Variants in FNIP1 observed in about 807,000 individuals in gnomAD.
The protein encoded by FNIP1 is folliculin interacting protein 1.
Under a neutral mutation model 124.5 loss-of-function variants are expected in FNIP1, and 40 were observed. That is an observed-to-expected ratio of 0.32 (90% CI 0.25 to 0.42). The LOEUF is 0.42. FNIP1 is among the 10% of genes least tolerant of loss of function. FNIP1 has a pLI of 1.00. For missense variants in FNIP1, 1,176 were observed against 1,403.7 expected (o/e 0.84, Z 2.59); for synonymous variants, 472 against 470.6 (o/e 1.00, Z -0.04).
intron 2 of FNIP1, among the ~76,000 whole-genome samples, chr5:131,735,534 ATT>A (rs1770265993): frequency 6.7e-6 from 1 of 148,250 alleles, no homozygotes. Context: ...ATATATACGT[ATT>A]TATATACATG....
rs183422591 is a variant in FNIP1, at chr5:131,677,597, T to C, written c.1519+106A>G. 7.8e-4 allele frequency: 821 copies of C among 1,055,370 alleles called. 6 individuals carry two copies. The African/African-American group carries it at 0.012, about 15-fold the overall frequency. 65.4% of individuals were successfully genotyped at this position (1,055,370 alleles called of 1,614,324 possible). A position where few individuals can be genotyped will look rare whatever the true frequency, so the allele number is the denominator to read the frequency against. ...CAAGCAAAGCAGAGATGCTTTAGAA[T>C]GCAGGAGGTAAAAGCATTTTATTTA... On this transcript the variant is annotated intron_variant, in intron 13 of 17. Coordinates refer to ENST00000510461, the MANE Select transcript of FNIP1 (RefSeq NM_133372.3).
intron 2 of FNIP1, among the ~76,000 whole-genome samples, chr5:131,734,342 C>A (rs564925713): frequency 1.3e-5 from 2 of 152,212 alleles, no homozygotes; most frequent in African/African-American, 4.8e-5. Flanking sequence ...CTGCTCTGAT[C>A]TTAGTTATTT....
intron 11 of FNIP1, among the ~76,000 whole-genome samples, chr5:131,683,552 C>CAAA (rs1184433193): frequency 1.3e-4 from 7 of 52,980 alleles, no homozygotes; most frequent in African/African-American, 3.1e-4. Flanking sequence ...GACTCCGTCT[C>CAAA]AAAAAAAAAA....
chr5:131,646,238 G>GTAT (rs1766876544), intron 17 of FNIP1, among the ~76,000 whole-genome samples: 1 of 152,064 alleles, frequency 6.6e-6, no homozygotes, highest in Non-Finnish European at 1.5e-5. Flanking sequence ...AAGTAAAAAA[G>GTAT]ATATAGAGTC....
rs554017580 is a variant in FNIP1, at chr5:131,751,590, A to AG, written c.93-6901dup. On this transcript the variant is annotated intron_variant, in intron 1 of 17. Transcript: ENST00000510461. ...CAATCTGAAAAAAAAAAAAAGAAGA[A>AG]GAAAAAACAAATGTGCTTTCTTTAA... Among the ~76,000 whole-genome samples, 494 of 152,168 alleles carry AG rather than the reference A, an allele frequency of 3.2e-3. 2 individuals carry two copies. Among genetic ancestry groups the AG allele is most frequent in the African/African-American group, 0.011 (473 of 41,542 alleles).
rs774374424 is a variant in FNIP1, at chr5:131,710,669, G to C, written c.623-8C>G. On this transcript the variant is annotated splice_polypyrimidine_tract_variant and splice_region_variant and intron_variant, in intron 6 of 17. Transcript: ENST00000510461. ...TGCAGAACTGTGAAAGACCTACATG[G>C]CAAAAACGTAAAATACACATGAAAG... 11 of 1,612,178 alleles carry C rather than the reference G, an allele frequency of 6.8e-6. No individual in the cohort carries two copies. The highest frequency in any genetic ancestry group is 6.8e-6 in the Non-Finnish European group (8 of 1,179,278).
chr5:131,712,141 A>G (rs1384444016), intron 6 of FNIP1, among the ~76,000 whole-genome samples: 1 of 152,086 alleles, frequency 6.6e-6, no homozygotes, highest in Non-Finnish European at 1.5e-5. Context: ...CATGTTATTC[A>G]AGCCTTACAA....
At chr5:131,755,381 A>G (rs1771014247) in intron 1 of FNIP1, among the ~76,000 whole-genome samples, 1 of 150,862 alleles carries the variant, frequency 6.6e-6, no homozygotes, top group Admixed American at 6.6e-5. Flanking sequence ...AGATCACGCC[A>G]CTGCACTCCA....
At chr5:131,757,702 T>C (rs931629298) in intron 1 of FNIP1, among the ~76,000 whole-genome samples, 1 of 150,174 alleles carries the variant, frequency 6.7e-6, no homozygotes, top group Non-Finnish European at 1.5e-5. Flanking sequence ...TTCTAAATGA[T>C]GCAAAGAAAA....
intron 1 of FNIP1, among the ~76,000 whole-genome samples, chr5:131,764,193 G>A (rs1771341946): frequency 6.6e-6 from 1 of 151,922 alleles, no homozygotes; most frequent in African/African-American, 2.4e-5. Flanking sequence ...GCAGATGCCA[G>A]CATTATGCTT....
At chr5:131,702,124 C>T (rs1452807302) in intron 10 of FNIP1, among the ~76,000 whole-genome samples, 1 of 152,196 alleles carries the variant, frequency 6.6e-6, no homozygotes, top group Non-Finnish European at 1.5e-5. Flanking sequence ...AGGAGACCTA[C>T]TAAAATATAT....
intron 1 of FNIP1, among the ~76,000 whole-genome samples, chr5:131,776,003 C>T (rs1771790406): frequency 6.6e-6 from 1 of 152,212 alleles, no homozygotes; most frequent in South Asian, 2.1e-4. Flanking sequence ...CACATTCCTT[C>T]TGGTACTTAA....
At chr5:131,739,229 G>A (rs1025651543) in intron 2 of FNIP1, among the ~76,000 whole-genome samples, 13 of 152,196 alleles carry the variant, frequency 8.5e-5, no homozygotes, top group African/African-American at 2.9e-4. Context: ...GTTTCATCCT[G>A]ATGTACACTG....
intron 3 of FNIP1, among the ~76,000 whole-genome samples, chr5:131,728,456 C>T (rs544337657): frequency 1.1e-4 from 16 of 152,032 alleles, no homozygotes; most frequent in African/African-American, 3.1e-4. Context: ...TCCTTTCTTC[C>T]GCTTGATTGA....
intron 1 of FNIP1, among the ~76,000 whole-genome samples, chr5:131,783,474 T>C (rs548781629): frequency 1.5e-4 from 22 of 151,310 alleles, no homozygotes; most frequent in African/African-American, 4.8e-4. Flanking sequence ...AACAAGAAAT[T>C]TGAAAGATCA....
intron 11 of FNIP1, among the ~76,000 whole-genome samples, chr5:131,693,833 C>CCAAAA (rs994433679): frequency 2.6e-5 from 4 of 151,470 alleles, no homozygotes; most frequent in South Asian, 2.1e-4. Flanking sequence ...GAACTGGTAT[C>CCAAAA]CAAAACAAAA....
rs1298677887 is a variant in FNIP1, at chr5:131,750,000, T to G, written c.93-5310A>C. Among the ~76,000 whole-genome samples, 3 of 152,130 alleles carry G rather than the reference T, an allele frequency of 2.0e-5. No homozygotes were observed. In the East Asian group the frequency reaches 5.8e-4, roughly 29 times the overall value. ...ATGAGTGTATGTTGAATAGAAAACA[T>G]AAGATTTCCAGGCAATGCTGTACAT... is the stretch of plus-strand genomic sequence containing the variant. On this transcript the variant is annotated intron_variant, in intron 1 of 17. Transcript: ENST00000510461.
At chr5:131,657,753 A>AAC (rs1767247417) in intron 15 of FNIP1, among the ~76,000 whole-genome samples, 1 of 150,230 alleles carries the variant, frequency 6.7e-6, no homozygotes, top group East Asian at 1.9e-4. Flanking sequence ...AAAAAAAAAA[A>AAC]AAAAACGGTG....
At chr5:131,692,989 C>G (rs1390882651) in intron 11 of FNIP1, among the ~76,000 whole-genome samples, 1 of 148,774 alleles carries the variant, frequency 6.7e-6, no homozygotes, top group East Asian at 2.0e-4. Context: ...GCCTGGAGGA[C>G]AGAGTGAGAC....
Sources: allele counts gnomAD v4.1 joint callset (sites outside exome capture counted in the v4.1 genomes callset), GRCh38; gene constraint gnomAD v4.1.1; transcripts MANE v1.5; gene names NCBI Gene and HGNC (gene_info 2026-07-23, HGNC 2026-07-21).